The following TRIM37 variants were observed in gnomAD, a reference collection of about 807,000 sequenced individuals.
The protein encoded by TRIM37 is E3 ubiquitin-protein ligase TRIM37.
A neutral mutation model predicts 129.8 loss-of-function variants in TRIM37; 80 were observed. The observed-to-expected ratio is 0.62, with a 90% confidence interval of 0.51 to 0.74. The LOEUF (loss-of-function observed/expected upper bound fraction) is 0.74. Ranked by LOEUF, TRIM37 falls within the 30% of genes least tolerant of loss-of-function variation. TRIM37 has a pLI of 0.00. For missense variants in TRIM37, 1,054 were observed against 1,176.5 expected, an observed-to-expected ratio of 0.90 and a Z score of 1.52; for synonymous variants, 389 against 387.1, an observed-to-expected ratio of 1.00 and a Z score of -0.06.
rs1329296993 is a variant in TRIM37 at position 59,046,543 on chromosome 17, T to G, written c.1667+1140A>C. On this transcript the variant is annotated intron_variant, in intron 16 of 23. Transcript: ENST00000262294. Reference sequence around the variant, plus strand: ...AAAGTATTAGTCATGAAAAACAGTTTTTTTTTTTTTTTGAGACAGAGTCTC... The same window carrying G: ...AAAGTATTAGTCATGAAAAACAGTTGTTTTTTTTTTTTGAGACAGAGTCTC... Among the ~76,000 whole-genome samples the G allele has an allele frequency of 5.4e-5, 6 of 110,246 alleles. No homozygotes were observed. In the East Asian group the frequency reaches 1.1e-3, roughly 21 times the overall value. 72.3% of individuals were successfully genotyped at this position (110,246 alleles called of 152,430 possible). A position where few individuals can be genotyped will look rare whatever the true frequency, so the allele number is the denominator to read the frequency against.
At chr17:58,993,786 C>T (rs143936272), downstream of TRIM37, among the ~76,000 whole-genome samples, 1,710 of 150,758 alleles carry the variant, frequency 0.011, 25 homozygotes, top group Non-Finnish European at 0.014. Flanking sequence ...TGTAAATTTA[C>T]AAATTAACCA....
chr17:59,074,352 G>C (rs980556181), intron 8 of TRIM37, among the ~76,000 whole-genome samples: 2 of 152,102 alleles, frequency 1.3e-5, no homozygotes, highest in Admixed American at 1.3e-4. Context: ...GAGTATCTGC[G>C]GATTTTGGTA....
In TRIM37 at chr17:59,017,282, T is replaced by C; in HGVS notation, c.2386+14A>G. 6.2e-7 allele frequency: 1 copy of C among 1,613,848 alleles called. No individual in the cohort carries two copies. Among genetic ancestry groups the C allele is most frequent in the Non-Finnish European group, 8.5e-7 (1 of 1,179,782 alleles). ...TACCCCACTAAAAGTACATTCTGAA[T>C]CCCTCAAATTTACCTTCAGACAGAG... On this transcript the variant is annotated intron_variant, in intron 20 of 23. Transcript: ENST00000262294.
intron 2 of TRIM37, among the ~76,000 whole-genome samples, chr17:59,099,562 G>A (rs574322154): frequency 6.6e-6 from 1 of 151,838 alleles, no homozygotes; most frequent in African/African-American, 2.4e-5. Context: ...AAAATGGGGG[G>A]CACTGAACAG....
chr17:59,045,698 C>T (rs2039720895), intron 16 of TRIM37, among the ~76,000 whole-genome samples: 2 of 151,302 alleles, frequency 1.3e-5, no homozygotes, highest in African/African-American at 4.9e-5. Flanking sequence ...GGGATGTGTC[C>T]CAGGAATGCA....
At chr17:59,019,774 T>C (rs886933419) in intron 19 of TRIM37, among the ~76,000 whole-genome samples, 2 of 151,374 alleles carry the variant, frequency 1.3e-5, no homozygotes, top group Non-Finnish European at 2.9e-5. Flanking sequence ...TACCAGAAGA[T>C]AGTAGAAGGG....
At chr17:59,056,083 G>GA (rs1382404154) in intron 13 of TRIM37, among the ~76,000 whole-genome samples, 3 of 152,058 alleles carry the variant, frequency 2.0e-5, no homozygotes, top group African/African-American at 7.2e-5. Flanking sequence ...ACTGTGAAGT[G>GA]AAAAAAATCA....
At chr17:59,102,621 C>A (rs922188603) in intron 2 of TRIM37, among the ~76,000 whole-genome samples, 2 of 152,162 alleles carry the variant, frequency 1.3e-5, no homozygotes, top group Non-Finnish European at 2.9e-5. Flanking sequence ...CTGAATTCTA[C>A]AGCTGAAGAA....
Position 58,999,345 on chromosome 17 carries a change from T to C in TRIM37, c.*32A>G, listed in dbSNP as rs764283228. On this transcript the variant is annotated 3_prime_UTR_variant, in exon 24 of 24. Transcript: ENST00000262294. ...ACTACAGCAAAATTCAGGGTCAAGGTAGCTTGCAAGTCAGTTCTCTTGATT... is the reference window on the plus strand; with the variant it reads ...ACTACAGCAAAATTCAGGGTCAAGGCAGCTTGCAAGTCAGTTCTCTTGATT... 7 of 1,613,746 alleles carry C rather than the reference T, an allele frequency of 4.3e-6. No individual in the cohort carries two copies. Among genetic ancestry groups the C allele is most frequent in the Admixed American group, 3.3e-5 (2 of 60,022 alleles).
chr17:59,104,660 G>GT (rs2045828829), intron 1 of TRIM37, among the ~76,000 whole-genome samples: 1 of 152,148 alleles, frequency 6.6e-6, no homozygotes, highest in Non-Finnish European at 1.5e-5. Context: ...CACTAAAGCA[G>GT]TAATTATAAT....
chr17:59,054,809 C>A (rs537049611), intron 13 of TRIM37, among the ~76,000 whole-genome samples: 1 of 151,858 alleles, frequency 6.6e-6, no homozygotes, highest in African/African-American at 2.4e-5. Flanking sequence ...GGATTACAGG[C>A]GCGTGCCACC....
intron 22 of TRIM37, among the ~76,000 whole-genome samples, chr17:59,011,010 A>C (rs1205349670): frequency 6.6e-6 from 1 of 151,950 alleles, no homozygotes; most frequent in Non-Finnish European, 1.5e-5. Context: ...CTCTTACTAA[A>C]AATACAAAAA....
intron 2 of TRIM37, 42 bp downstream of exon 2, chr17:59,104,251 T>C: frequency 6.5e-7 from 1 of 1,528,800 alleles, no homozygotes; most frequent in East Asian, 2.3e-5. Flanking sequence ...TTACAATATA[T>C]ACTATATATA....
At chr17:58,988,110 G>C (rs907786086) in intron 24 of TRIM37, among the ~76,000 whole-genome samples, 1 of 152,196 alleles carries the variant, frequency 6.6e-6, no homozygotes, top group Non-Finnish European at 1.5e-5. Flanking sequence ...TCGTAGGGTC[G>C]TTGTAAACAG....
At chr17:59,038,055 C>G (rs1042007987) in intron 17 of TRIM37, among the ~76,000 whole-genome samples, 1 of 152,086 alleles carries the variant, frequency 6.6e-6, no homozygotes, top group Non-Finnish European at 1.5e-5. Flanking sequence ...TTATCACTTA[C>G]AATACTGTCA....
Position 59,106,535 on chromosome 17 carries a change from G to A in TRIM37, c.-74C>T. On this transcript the variant is annotated 5_prime_UTR_variant, in exon 1 of 24. Transcript: ENST00000262294. ...CTGACCTCTTAGGCGCCGGCCCGAG[G>A]TCGCCAGATCAAATCGCCGATAAAA... is the stretch of plus-strand genomic sequence containing the variant. 6.3e-7 allele frequency: 1 copy of A among 1,586,930 alleles called. No homozygotes were observed. Among genetic ancestry groups the A allele is most frequent in the Non-Finnish European group, 8.6e-7 (1 of 1,161,670 alleles).
downstream of TRIM37, among the ~76,000 whole-genome samples, chr17:58,978,026 G>A (rs1445251667): frequency 3.3e-5 from 5 of 152,186 alleles, no homozygotes; most frequent in South Asian, 2.1e-4. Context: ...ACAGGCATGC[G>A]CCTGGCCAAC....
the TRIM37 span, among the ~76,000 whole-genome samples, chr17:58,967,867 G>A: frequency 4.6e-5 from 7 of 150,998 alleles, no homozygotes; most frequent in Admixed American, 2.0e-4. Context: ...GAAGTGGCGC[G>A]ATCTCGACTC....
chr17:59,042,791 A>G (rs1395112629), intron 16 of TRIM37, among the ~76,000 whole-genome samples: 1 of 152,022 alleles, frequency 6.6e-6, no homozygotes, highest in Non-Finnish European at 1.5e-5. Context: ...CAGGAAAGGA[A>G]AGGAAAGGAA....
Sources: gnomAD v4.1 joint callset for allele counts (sites outside exome capture counted in the v4.1 genomes callset) on GRCh38, gnomAD v4.1.1 for gene constraint, MANE v1.5 for transcripts, NCBI Gene and HGNC (gene_info 2026-07-23, HGNC 2026-07-21) for gene names.